LAMA1: variants seen among roughly 807,000 people sequenced by gnomAD.
The protein encoded by LAMA1 is laminin subunit alpha-1.
A neutral mutation model predicts 348.7 loss-of-function variants in LAMA1; 219 were observed. The observed-to-expected ratio is 0.63, with a 90% CI of 0.56 to 0.70. The LOEUF is 0.70. Ranked by LOEUF, LAMA1 falls within the 30% of genes least tolerant of loss-of-function variation. LAMA1 has a pLI of 0.00. For missense variants in LAMA1, 3,744 were observed against 3,888.0 expected (o/e 0.96, Z 0.99); for synonymous variants, 1,487 against 1,491.0 (o/e 1.00, Z 0.06).
chr18:6,986,345 GC>G lies in LAMA1; in HGVS notation c.5170del (p.Ala1724LeufsTer23). ...AATTTGTGACAATAAATCTTCAGCA[GC>G]CCTGATAAATATGAATGGTTCACAT... ...LHQNATLELK[A>X]AEDLLSQIQE... On this transcript the variant is annotated frameshift_variant and splice_region_variant, in exon 37 of 63. Coordinates refer to ENST00000389658, the MANE Select transcript of LAMA1 (RefSeq NM_005559.4). LOFTEE classifies it high-confidence loss of function. The G allele has an allele frequency of 6.2e-7, 1 of 1,613,702 alleles. No homozygotes were observed.
At chr18:6,997,089 G>T (rs536817914) in intron 33 of LAMA1, among the ~76,000 whole-genome samples, 91 of 151,848 alleles carry the variant, frequency 6.0e-4, no homozygotes, top group Non-Finnish European at 1.1e-3. Flanking sequence ...TTCTGAGATG[G>T]AGTCTTGCTC....
chr18:7,025,295 C>T (rs1174367247), intron 17 of LAMA1, among the ~76,000 whole-genome samples: 5 of 152,194 alleles, frequency 3.3e-5, no homozygotes, highest in African/African-American at 1.2e-4. Flanking sequence ...CCATGGCACG[C>T]CCAGCTCCAT....
intron 1 of LAMA1, among the ~76,000 whole-genome samples, chr18:7,083,480 C>A (rs2058201885): frequency 6.6e-6 from 1 of 151,808 alleles, no homozygotes; most frequent in African/African-American, 2.4e-5. Context: ...GCCACCGCGC[C>A]GGGCCCTAAA....
chr18:7,001,222 T>C (rs1008676776), intron 30 of LAMA1, among the ~76,000 whole-genome samples: 1 of 152,208 alleles, frequency 6.6e-6, no homozygotes, highest in African/African-American at 2.4e-5. Flanking sequence ...CCTACAGATA[T>C]ACCTTATTCT....
chr18:6,950,994 G>A (rs373174797), intron 57 of LAMA1, 23 bp from the exon 58 acceptor site: 72 of 1,606,496 alleles, frequency 4.5e-5, no homozygotes, highest in African/African-American at 5.3e-5. Flanking sequence ...AGTGCTCAGC[G>A]TTGAGAAAGG....
At chr18:7,014,558 GATACA>G in intron 22 of LAMA1, among the ~76,000 whole-genome samples, 1 of 40,500 alleles carries the variant, frequency 2.5e-5, no homozygotes, top group African/African-American at 7.6e-5. Flanking sequence ...AGAGGTCAAG[GATACA>G]GTGAGCTTTG....
At chr18:7,007,913 T>TTA (rs59784736) in intron 28 of LAMA1, among the ~76,000 whole-genome samples, 15,849 of 136,768 alleles carry the variant, frequency 0.12, 1,043 homozygotes, top group African/African-American at 0.18. Context: ...ATTACTCCAC[T>TTA]TTTATTTATT....
intron 23 of LAMA1, 131 bp downstream of exon 23, chr18:7,013,684 A>C: frequency 1.2e-6 from 1 of 802,748 alleles, no homozygotes; most frequent in East Asian, 2.7e-5. Flanking sequence ...CTTTGAACTC[A>C]GATGCGGAAG....
At position 6,982,485 on chromosome 18, in the gene LAMA1, C is replaced by T. The variant is rs2057716319; in HGVS notation, c.5890+12G>A. ...ACTCTGCCTGTCTACACCGTCCGAG[C>T]CACATACTGACCTGGAAGCTTCCTG... On this transcript the variant is annotated intron_variant, in intron 41 of 62. Transcript: ENST00000389658. 1.2e-6 allele frequency: 2 copies of T among 1,612,740 alleles called. No individual in the cohort carries two copies. Among genetic ancestry groups the T allele is most frequent in the African/African-American group, 2.7e-5 (2 of 75,010 alleles).
At chr18:6,972,734 G>C (rs149978263) in intron 47 of LAMA1, among the ~76,000 whole-genome samples, 1 of 152,150 alleles carries the variant, frequency 6.6e-6, no homozygotes, top group Non-Finnish European at 1.5e-5. Flanking sequence ...CTGTTGCCCA[G>C]GCTGGAGTGC....
At chr18:7,074,304 C>T (rs763589130) in intron 3 of LAMA1, among the ~76,000 whole-genome samples, 55 of 152,270 alleles carry the variant, frequency 3.6e-4, no homozygotes, top group Non-Finnish European at 5.6e-4. Context: ...ATTTTCACTT[C>T]CCTATTGAAT....
intron 16 of LAMA1, among the ~76,000 whole-genome samples, chr18:7,031,487 T>C (rs2057968917): frequency 1.3e-5 from 2 of 152,192 alleles, no homozygotes; most frequent in African/African-American, 4.8e-5. Context: ...GTGAGTGTGA[T>C]TATACTTTAT....
intron 3 of LAMA1, chr18:7,079,451 C>T (rs550983201): frequency 2.3e-5 from 4 of 176,536 alleles, no homozygotes; most frequent in Admixed American, 5.4e-5. Flanking sequence ...GCTGAAGGCA[C>T]TGCTTAAGTT....
Position 6,994,763 on chromosome 18 carries a change from G to A in LAMA1, c.4896+594C>T, listed in dbSNP as rs550694905. On this transcript the variant is annotated intron_variant, in intron 34 of 62. Coordinates refer to ENST00000389658, the MANE Select transcript of LAMA1 (RefSeq NM_005559.4). Reference sequence around the variant, plus strand: ...TAATCCTTCCTCACCATCTGCAGAAGGGGAGATTCTTTTTTAGGTCACTAA... The same window carrying A: ...TAATCCTTCCTCACCATCTGCAGAAAGGGAGATTCTTTTTTAGGTCACTAA... Among the ~76,000 whole-genome samples, 145 of 151,788 alleles carry A rather than the reference G, an allele frequency of 9.6e-4. 1 individual carries two copies. The highest frequency in any genetic ancestry group is 3.3e-3 in the African/African-American group (137 of 41,414).
chr18:6,965,146 A>G (rs1464511124), intron 50 of LAMA1, 142 bp downstream of exon 50: 1 of 1,080,592 alleles, frequency 9.3e-7, no homozygotes, highest in South Asian at 1.3e-5. Flanking sequence ...GTTGGTTAGT[A>G]TTCCAAAGAC....
chr18:7,098,242 C>T (rs1486707206), intron 1 of LAMA1, among the ~76,000 whole-genome samples: 2 of 152,092 alleles, frequency 1.3e-5, no homozygotes, highest in Admixed American at 6.6e-5. Context: ...CCCAAAGTGC[C>T]GAGATTGCAG....
At position 7,080,339 on chromosome 18, in the gene LAMA1, G is replaced by C; in HGVS notation, c.180C>G (p.Pro60=). 6.2e-7 allele frequency: 1 copy of C among 1,614,230 alleles called. No individual in the cohort carries two copies. Among genetic ancestry groups the C allele is most frequent in the Non-Finnish European group, 8.5e-7 (1 of 1,180,046 alleles). ...AGATCCGGCACTGTGGGTTTCGGAC[G>C]GGCCGACCTGGCACATGCTCCACAA... ...CKLVEHVPGR[P]VRNPQCRICD... The change falls in exon 2 of 63, where the codon CCC becomes CCG. Residue 60 remains proline (P), a synonymous_variant. Coordinates refer to ENST00000389658, the MANE Select transcript of LAMA1 (RefSeq NM_005559.4).
chr18:7,052,133 G>A (rs935869882), intron 3 of LAMA1, among the ~76,000 whole-genome samples: 20 of 152,078 alleles, frequency 1.3e-4, no homozygotes, highest in Admixed American at 9.8e-4. Context: ...AAGAAACCTC[G>A]AATGCATATT....
In LAMA1 at chr18:6,950,822, A is replaced by C. The variant is rs1359169580; in HGVS notation, c.8357T>G (p.Val2786Gly). The change falls in exon 58 of 63, where the codon GTC becomes GGC. Residue 2786 changes from valine (V) to glycine (G), a missense_variant. Around this residue, in one of 3 missense-constraint regions of LAMA1, gnomAD observed 1,983 missense variants for 1,934.3 expected, o/e 1.03. Coordinates refer to ENST00000389658, the MANE Select transcript of LAMA1 (RefSeq NM_005559.4). ...MFDLGKGRTK[V>G]SHPALLSDGK... ...ATCACTGAGCAGTGCAGGGTGAGAGACCTTTGTTCTGCCTTTGCCAAGGTC... is the reference window on the plus strand; with the variant it reads ...ATCACTGAGCAGTGCAGGGTGAGAGCCCTTTGTTCTGCCTTTGCCAAGGTC... 6.2e-7 allele frequency: 1 copy of C among 1,614,102 alleles called. No homozygotes were observed. Among genetic ancestry groups the C allele is most frequent in the Non-Finnish European group, 8.5e-7 (1 of 1,180,008 alleles).
Sources: gnomAD v4.1 joint callset for allele counts (sites outside exome capture counted in the v4.1 genomes callset) on GRCh38, gnomAD v4.1.1 for gene constraint, gnomAD v4.1.1 regional missense constraint, MANE v1.5 for transcripts, NCBI Gene and HGNC (gene_info 2026-07-23, HGNC 2026-07-21) for gene names.